Variants in KCNAB2 observed in about 807,000 individuals in gnomAD.
KCNAB2 encodes voltage-gated potassium channel subunit beta-2.
Under a neutral mutation model 63.6 loss-of-function variants are expected in KCNAB2, and 29 were observed. The ratio of observed to expected loss-of-function variants is 0.46; its 90% confidence interval spans 0.34 to 0.62. The LOEUF is 0.62. KCNAB2 is among the 20% of genes least tolerant of loss of function. The probability of loss-of-function intolerance (pLI) is 0.01; values close to 1 mark genes in which losing one functional copy is unlikely to be tolerated. For synonymous variants in KCNAB2, 222 were observed against 224.2 expected (o/e 0.99, Z 0.09); for missense variants, 359 against 563.9 (o/e 0.64, Z 3.68).
rs1193726228 is a variant in KCNAB2 at position 6,073,267 on chromosome 1, C to T, written c.263-466C>T. ...CCTCTGCATGCAGTACACACACCCC[C>T]ACACACACACCGCCCACTGCAGTAC... On this transcript the variant is annotated intron_variant, in intron 3 of 15. Coordinates refer to ENST00000378083, the MANE Select transcript of KCNAB2 (RefSeq NM_001199862.2). This position sits in a 1 kb window ranked among gnomAD's most constrained non-coding sequence, Gnocchi z 5.7. 6.6e-6 allele frequency among the ~76,000 whole-genome samples: 1 copy of T among 151,726 alleles called. No individual in the cohort carries two copies. The highest frequency in any genetic ancestry group is 1.5e-5 in the Non-Finnish European group (1 of 67,974).
intron 11 of KCNAB2, 127 bp from the exon 12 acceptor site, chr1:6,095,196 G>A (rs1665513310): frequency 1.0e-6 from 1 of 981,112 alleles, no homozygotes; most frequent in Non-Finnish European, 1.5e-6. Context: ...GAGCAGTGGG[G>A]AGCCCGGGCT....
chr1:6,083,179 C>A (rs1392141000), intron 5 of KCNAB2, among the ~76,000 whole-genome samples: 1 of 152,210 alleles, frequency 6.6e-6, no homozygotes, highest in African/African-American at 2.4e-5. Context: ...ATACTGGCAG[C>A]AGCTTCCCAT....
Position 6,082,253 on chromosome 1 carries a change from C to T in KCNAB2, c.359C>T (p.Ala120Val). The change falls in exon 5 of 16, where the codon GCA becomes GTA. Residue 120 changes from alanine to valine, a missense_variant. By Grantham distance (64) the Ala-to-Val change is moderately conservative. Coordinates refer to ENST00000378083, the MANE Select transcript of KCNAB2 (RefSeq NM_001199862.2). ...YDNGINLFDT[A>V]EVYAAGKAEV... ...AATGGCATCAACCTCTTCGATACAG[C>T]AGAAGTCTACGCAGCCGGCAAGTAC... The T allele has an allele frequency of 6.2e-7, 1 of 1,613,440 alleles. No homozygotes were observed. The highest frequency in any genetic ancestry group is 8.5e-7 in the Non-Finnish European group (1 of 1,179,572).
rs565834516 is a variant in KCNAB2 at position 6,005,552 on chromosome 1, C to T, written c.-53+12764C>T. 3.6e-4 allele frequency among the ~76,000 whole-genome samples: 54 copies of T among 151,984 alleles called. No homozygotes were observed. The South Asian group carries it at 0.01, about 29-fold the overall frequency. ...TGGAGCCGACTGAGGGTCCCCCCTA[C>T]CCCCCATGAGTAGGAGTGGGATCCA... On this transcript the variant is annotated intron_variant, in intron 1 of 16. Coordinates refer to the KCNAB2 transcript ENST00000341524.
intron 4 of KCNAB2, among the ~76,000 whole-genome samples, chr1:6,077,070 C>G (rs1422842095): frequency 1.3e-5 from 2 of 152,046 alleles, no homozygotes; most frequent in African/African-American, 4.8e-5. Context: ...CCTGTAATCC[C>G]AGCTACTCAG....
intron 1 of KCNAB2, among the ~76,000 whole-genome samples, chr1:6,001,727 G>A (rs1657274257): frequency 6.6e-6 from 1 of 152,312 alleles, no homozygotes; most frequent in South Asian, 2.1e-4. Context: ...GGAACACACA[G>A]AGAAATGATC....
At chr1:5,999,837 C>T (rs1178978032) in intron 1 of KCNAB2, among the ~76,000 whole-genome samples, 1 of 151,940 alleles carries the variant, frequency 6.6e-6, no homozygotes, top group Admixed American at 6.6e-5. Context: ...TGTCTGTACC[C>T]CATGTGCGCC....
intron 1 of KCNAB2, among the ~76,000 whole-genome samples, chr1:6,037,761 G>T (rs1007832750): frequency 2.0e-5 from 3 of 151,954 alleles, no homozygotes; most frequent in African/African-American, 7.3e-5. Context: ...GGCCCCTCCA[G>T]CCCCCCAGTG....
At chr1:6,066,177 G>A (rs1365488540) in intron 2 of KCNAB2, among the ~76,000 whole-genome samples, 1 of 152,220 alleles carries the variant, frequency 6.6e-6, no homozygotes. Flanking sequence ...GGCCGCTTCC[G>A]CGCCGTGGCC....
upstream of KCNAB2, among the ~76,000 whole-genome samples, chr1:6,030,537 A>G (rs1191077714): frequency 1.4e-5 from 2 of 145,878 alleles, no homozygotes; most frequent in Non-Finnish European, 3.0e-5. Flanking sequence ...ATGTGTGTGT[A>G]CATATGTGTG....
intron 2 of KCNAB2, among the ~76,000 whole-genome samples, chr1:6,056,349 C>T (rs564871730): frequency 6.6e-6 from 1 of 152,310 alleles, no homozygotes; most frequent in East Asian, 1.9e-4. Flanking sequence ...CCGGCCTACA[C>T]TTCCCCATTG....
chr1:6,042,023 C>G (rs1236668341), upstream of KCNAB2: 1 of 687,190 alleles, frequency 1.5e-6, no homozygotes, highest in Non-Finnish European at 2.6e-6. Context: ...CCCTCTGTGC[C>G]TACCCACAGG....
At chr1:6,094,313 C>T (rs1030999565) in intron 10 of KCNAB2, 87 bp from the exon 11 acceptor site, 23 of 957,070 alleles carry the variant, frequency 2.4e-5, no homozygotes, top group Admixed American at 6.1e-5. Context: ...CTCCTCCCAG[C>T]GTCCTGCCTG....
At chr1:6,039,935 G>A (rs1409020202) in intron 1 of KCNAB2, among the ~76,000 whole-genome samples, 1 of 152,210 alleles carries the variant, frequency 6.6e-6, no homozygotes, top group Admixed American at 6.5e-5. Flanking sequence ...GGTTAGAAGC[G>A]ACTTGCTAGG....
chr1:6,079,201 C>T (rs546790813), intron 4 of KCNAB2, among the ~76,000 whole-genome samples: 1 of 152,276 alleles, frequency 6.6e-6, no homozygotes, highest in Non-Finnish European at 1.5e-5. Context: ...AGTGCCCCTC[C>T]CCCACCCACT....
intron 10 of KCNAB2, among the ~76,000 whole-genome samples, chr1:6,091,910 A>G (rs1665220255): frequency 6.6e-6 from 1 of 152,212 alleles, no homozygotes. Context: ...TCCTGAAAGA[A>G]TAACCACAGG....
Position 6,003,286 on chromosome 1 carries a change from C to T in KCNAB2, c.-53+10498C>T, listed in dbSNP as rs1570820084. ...CCTCCTGCGGGATTCCCCATCCCACCCCTGGAACTTGCTTTCCCTGCTTCC... is the reference window on the plus strand; with the variant it reads ...CCTCCTGCGGGATTCCCCATCCCACTCCTGGAACTTGCTTTCCCTGCTTCC... On this transcript the variant is annotated intron_variant, in intron 1 of 16. Coordinates refer to the KCNAB2 transcript ENST00000341524. This position sits in a 1 kb window ranked among gnomAD's most constrained non-coding sequence, Gnocchi z 4.1. Among the ~76,000 whole-genome samples, 2 of 152,200 alleles carry T rather than the reference C, an allele frequency of 1.3e-5. No homozygotes were observed. The highest frequency in any genetic ancestry group is 3.9e-4 in the East Asian group (2 of 5,188).
chr1:6,023,145 G>A (rs1025566984), intron 1 of KCNAB2, among the ~76,000 whole-genome samples: 8 of 152,246 alleles, frequency 5.3e-5, no homozygotes, highest in African/African-American at 1.7e-4. Context: ...GCCTCCCAAA[G>A]TGCTGGGATT....
At chr1:6,095,470 G>T in intron 12 of KCNAB2, 27 bp downstream of exon 12, 2 of 789,494 alleles carry the variant, frequency 2.5e-6, no homozygotes, top group Middle Eastern at 2.7e-4. Flanking sequence ...CCCTCGCCCC[G>T]CCCCACCCCA....
Sources: gnomAD v4.1 joint callset for allele counts (sites outside exome capture counted in the v4.1 genomes callset) on GRCh38, gnomAD v4.1.1 for gene constraint, Gnocchi (gnomAD v3.1) non-coding constraint, MANE v1.5 for transcripts, NCBI Gene and HGNC (gene_info 2026-07-23, HGNC 2026-07-21) for gene names.